Variants in TNKS2 observed in about 807,000 individuals in gnomAD.
The protein encoded by TNKS2 is tankyrase 2.
In TNKS2, 72 loss-of-function variants were observed where a neutral mutation model predicts 137.6. The ratio of observed to expected loss-of-function variants is 0.52; its 90% CI spans 0.43 to 0.64. The LOEUF (loss-of-function observed/expected upper bound fraction) is 0.64. Among genes scored for constraint, TNKS2 ranks in the 30% least tolerant of loss-of-function variants. TNKS2 has a pLI of 0.00. For synonymous variants in TNKS2, 516 were observed against 512.1 expected (o/e 1.01, Z -0.10); for missense variants, 1,049 against 1,410.2 (o/e 0.74, Z 4.10).
chr10:91,862,752 T>C (rs1842882707), intron 26 of TNKS2, among the ~76,000 whole-genome samples, 185 bp from the exon 27 acceptor site: 1 of 152,180 alleles, frequency 6.6e-6, no homozygotes, highest in African/African-American at 2.4e-5. Context: ...ATCTTAGACT[T>C]GCTGATTGAA....
chr10:91,831,672 T>C (rs1426747148), intron 11 of TNKS2, among the ~76,000 whole-genome samples: 1 of 152,212 alleles, frequency 6.6e-6, no homozygotes, highest in African/African-American at 2.4e-5. Flanking sequence ...AAGTTACTGT[T>C]CTTTAGTTGG....
intron 18 of TNKS2, among the ~76,000 whole-genome samples, chr10:91,847,943 AAT>A (rs1842427925): frequency 6.6e-6 from 1 of 152,166 alleles, no homozygotes; most frequent in African/African-American, 2.4e-5. Flanking sequence ...ATATTTTGAC[AAT>A]ATGTGTTTTG....
At chr10:91,823,270 G>A (rs1320385172) in intron 7 of TNKS2, among the ~76,000 whole-genome samples, 2 of 151,738 alleles carry the variant, frequency 1.3e-5, no homozygotes, top group African/African-American at 4.8e-5. Context: ...TTAACAAACA[G>A]GTTCCCAAGA....
Position 91,830,788 on chromosome 10 carries a change from G to T in TNKS2, c.1105-135G>T, listed in dbSNP as rs199570920. ...GGTAATTGTTGTAATTCAATCAAAA[G>T]TCAAGAGCAAAGTTGCGTCAAAAGT... On this transcript the variant is annotated intron_variant, in intron 9 of 26. Transcript: ENST00000371627. 147 of 753,042 alleles carry T rather than the reference G, an allele frequency of 2.0e-4. 2 individuals are homozygous for T. The East Asian group carries it at 4.0e-3, about 21-fold the overall frequency. 46.6% of individuals were successfully genotyped at this position (753,042 alleles called of 1,614,324 possible). A position where few individuals can be genotyped will look rare whatever the true frequency, so the allele number is the denominator to read the frequency against.
rs1038967876 is a variant in TNKS2, at chr10:91,864,447, C to G, written c.*1448C>G. ...GCTCCCTTCAAAGTCGAGGAAAGAT[C>G]TTTACTCACTTAATGAGGACATTCC... On this transcript the variant is annotated 3_prime_UTR_variant, in exon 27 of 27. Transcript: ENST00000371627. 14 of 152,472 alleles carry G rather than the reference C, an allele frequency of 9.2e-5. No homozygotes were observed. The South Asian group carries it at 2.3e-3, about 25-fold the overall frequency. 9.4% of individuals were successfully genotyped at this position (152,472 alleles called of 1,614,324 possible). A position where few individuals can be genotyped will look rare whatever the true frequency, so the allele number is the denominator to read the frequency against.
At chr10:91,842,946 T>TAAG (rs1309675246) in intron 16 of TNKS2, among the ~76,000 whole-genome samples, 1 of 152,226 alleles carries the variant, frequency 6.6e-6, no homozygotes, top group African/African-American at 2.4e-5. Context: ...AGTCCCCATG[T>TAAG]GCTTTGGGAA....
rs1842357663 is a variant in TNKS2, at chr10:91,845,934, A to G, written c.2352A>G (p.Leu784=). 13 of 1,533,896 alleles carry G rather than the reference A, an allele frequency of 8.5e-6. No homozygotes were observed. Among genetic ancestry groups the G allele is most frequent in the African/African-American group, 1.4e-5 (1 of 73,384 alleles). The change falls in exon 18 of 27, where the codon TTA becomes TTG. Residue 784 remains leucine, a synonymous_variant. Transcript: ENST00000371627. The part of the protein sequence containing the change: ...KNQEGQTPLD[L]VSADDVSALL... Reference sequence around the variant, plus strand: ...AGGAAGGACAAACACCTTTAGATTTAGTTTCAGTAAGTGATGGGCTTTTTG... The same window carrying G: ...AGGAAGGACAAACACCTTTAGATTTGGTTTCAGTAAGTGATGGGCTTTTTG...
chr10:91,800,764 A>T (rs918790774), intron 1 of TNKS2, among the ~76,000 whole-genome samples: 5 of 152,234 alleles, frequency 3.3e-5, no homozygotes, highest in Non-Finnish European at 7.3e-5. Flanking sequence ...CTTCAATCAT[A>T]TAAGAAACTT....
intron 11 of TNKS2, among the ~76,000 whole-genome samples, chr10:91,832,754 T>C (rs1006405125): frequency 6.6e-6 from 1 of 152,174 alleles, no homozygotes; most frequent in Non-Finnish European, 1.5e-5. Context: ...TGAATAATTA[T>C]TTCCATAGCA....
chr10:91,844,863 CAT>C, intron 16 of TNKS2, 54 bp from the exon 17 acceptor site: 1 of 1,143,770 alleles, frequency 8.7e-7, no homozygotes, highest in Non-Finnish European at 1.3e-6. Flanking sequence ...AGTATTATGA[CAT>C]AGGACTAAAA....
At chr10:91,803,089 A>G (rs1844220624) in intron 1 of TNKS2, among the ~76,000 whole-genome samples, 1 of 152,188 alleles carries the variant, frequency 6.6e-6, no homozygotes. Context: ...TTCTTTTCCA[A>G]GTTTCTACTA....
chr10:91,844,867 G>A (rs945822313), intron 16 of TNKS2, 52 bp from the exon 17 acceptor site: 16 of 1,211,108 alleles, frequency 1.3e-5, no homozygotes, highest in Non-Finnish European at 1.8e-5. Flanking sequence ...TTATGACATA[G>A]GACTAAAAAA....
rs149086273 is a variant in TNKS2, at chr10:91,859,637, C to T, written c.3270C>T (p.Tyr1090=). Residue 1090 remains tyrosine (Y), a synonymous_variant, in exon 25 of 27, where the codon TAC becomes TAT. Transcript: ENST00000371627. ...CAGTTCACAAAGACAGATCTTGTTACATTTGCCACAGGTAAGAGATCACTT... is the reference window on the plus strand; with the variant it reads ...CAGTTCACAAAGACAGATCTTGTTATATTTGCCACAGGTAAGAGATCACTT... ...GCPVHKDRSC[Y]ICHRQLLFCR... 243 of 1,611,028 alleles carry T rather than the reference C, an allele frequency of 1.5e-4. 2 individuals carry two copies. The highest frequency in any genetic ancestry group is 1.5e-3 in the Middle Eastern group (9 of 6,040).
In TNKS2 at chr10:91,863,040, A is replaced by T. The variant is rs772807704; in HGVS notation, c.*41A>T. ...AACTAATTCCACTGAACCTAAAATC[A>T]TCAAAGCAGCAGTGGCCTCTACGTT... On this transcript the variant is annotated 3_prime_UTR_variant, in exon 27 of 27. Transcript: ENST00000371627. 2.0e-6 allele frequency: 3 copies of T among 1,483,470 alleles called. No individual in the cohort carries two copies. The Admixed American group carries it at 5.1e-5, about 25-fold the overall frequency. The allele number at this position is 1,483,470 out of a possible 1,614,324, so 91.9% of individuals were successfully genotyped here.
chr10:91,807,539 T>C, intron 1 of TNKS2: 2 of 1,088,664 alleles, frequency 1.8e-6, no homozygotes, highest in Non-Finnish European at 2.8e-6. Flanking sequence ...AGTCCTGCAA[T>C]GCCATTCTTT....
chr10:91,807,342 T>G, intron 1 of TNKS2: 1 of 1,614,118 alleles, frequency 6.2e-7, no homozygotes, highest in East Asian at 2.2e-5. Context: ...CCCATCAGAA[T>G]GCCTATATTT....
intron 3 of TNKS2, among the ~76,000 whole-genome samples, chr10:91,817,988 C>T (rs749054344): frequency 5.3e-5 from 8 of 152,136 alleles, no homozygotes; most frequent in Non-Finnish European, 1.0e-4. Context: ...GAGCTTTGTG[C>T]CTGGATTTTG....
intron 2 of TNKS2, among the ~76,000 whole-genome samples, chr10:91,814,835 A>G (rs1456160766): frequency 1.3e-5 from 2 of 152,168 alleles, no homozygotes; most frequent in Non-Finnish European, 2.9e-5. Context: ...GGACTCACCT[A>G]CCAATGCATT....
At chr10:91,821,147 C>T (rs1309952948) in intron 6 of TNKS2, among the ~76,000 whole-genome samples, 1 of 152,180 alleles carries the variant, frequency 6.6e-6, no homozygotes, top group Non-Finnish European at 1.5e-5. Context: ...AAGTGATTCT[C>T]CTGCCTCAGG....
Sources: allele counts gnomAD v4.1 joint callset (sites outside exome capture counted in the v4.1 genomes callset), GRCh38; gene constraint gnomAD v4.1.1; transcripts MANE v1.5; gene names NCBI Gene and HGNC (gene_info 2026-07-23, HGNC 2026-07-21).